Variants in THSD4 observed in about 807,000 individuals in gnomAD.
The protein encoded by THSD4 is thrombospondin type-1 domain-containing protein 4.
Under a neutral mutation model 119.0 loss-of-function variants are expected in THSD4, and 69 were observed. The observed-to-expected ratio is 0.58, with a 90% CI of 0.48 to 0.71. The LOEUF (loss-of-function observed/expected upper bound fraction) is 0.71, where lower values mean the gene tolerates loss of function less well. THSD4 is among the 30% of genes least tolerant of loss of function. The pLI, the probability that THSD4 is intolerant of heterozygous loss-of-function variation, is 0.00. For missense variants in THSD4, 1,393 were observed against 1,391.1 expected (o/e 1.00, Z -0.02); for synonymous variants, 524 against 540.4 (o/e 0.97, Z 0.42).
chr15:71,159,163 C>T (rs1163202912), intron 3 of THSD4, among the ~76,000 whole-genome samples: 1 of 152,084 alleles, frequency 6.6e-6, no homozygotes, highest in African/African-American at 2.4e-5. Context: ...CTATTCTGTT[C>T]CATTGGCCTA....
intron 5 of THSD4, among the ~76,000 whole-genome samples, chr15:71,249,461 A>G (rs976957970): frequency 1.3e-5 from 2 of 150,574 alleles, no homozygotes; most frequent in Non-Finnish European, 3.0e-5. Context: ...AATTGTTAAC[A>G]GTTGTCATTT....
At chr15:71,672,686 T>G (rs1244894025) in intron 8 of THSD4, among the ~76,000 whole-genome samples, 1 of 152,346 alleles carries the variant, frequency 6.6e-6, no homozygotes, top group South Asian at 2.1e-4. Context: ...TATTGAGAGT[T>G]TTTAGCATGA....
intron 7 of THSD4, among the ~76,000 whole-genome samples, chr15:71,570,203 A>C (rs2049322188): frequency 6.6e-6 from 1 of 152,204 alleles, no homozygotes; most frequent in African/African-American, 2.4e-5. Context: ...TAAGAACACC[A>C]TGCATCAGGT....
upstream of THSD4, chr15:71,111,551 T>A: frequency 1.4e-6 from 1 of 693,520 alleles, no homozygotes; most frequent in Non-Finnish European, 2.4e-6. Context: ...TTGTTTTGTT[T>A]ACCATGCCTC....
At chr15:71,237,968 G>T (rs544018830) in intron 4 of THSD4, among the ~76,000 whole-genome samples, 1 of 152,116 alleles carries the variant, frequency 6.6e-6, no homozygotes, top group Non-Finnish European at 1.5e-5. Context: ...TTTCCCAGAC[G>T]CCCGTTGGAT....
chr15:71,141,683 C>A (rs1288385167), intron 2 of THSD4, 127 bp downstream of exon 2: 1 of 1,098,780 alleles, frequency 9.1e-7, no homozygotes, highest in Admixed American at 2.6e-5. Flanking sequence ...TGATATAATA[C>A]GTCCACTTGT....
intron 7 of THSD4, among the ~76,000 whole-genome samples, chr15:71,535,931 G>T (rs1298736521): frequency 6.6e-6 from 1 of 152,094 alleles, no homozygotes; most frequent in Non-Finnish European, 1.5e-5. Context: ...CTTGAATTTT[G>T]ATAAAGTCCC....
chr15:71,330,423 C>T (rs1483079754), intron 6 of THSD4, among the ~76,000 whole-genome samples: 1 of 152,166 alleles, frequency 6.6e-6, no homozygotes, highest in Non-Finnish European at 1.5e-5. Flanking sequence ...TGTGTATCAT[C>T]GTCAGTAGAG....
At position 71,115,541 on chromosome 15, in the gene THSD4, G is replaced by C. The variant is rs2040350987; in HGVS notation, c.-237G>C. The C allele has an allele frequency of 6.6e-6, 1 of 150,806 alleles. No individual in the cohort carries two copies. The highest frequency in any genetic ancestry group is 1.5e-5 in the Non-Finnish European group (1 of 67,648). 9.3% of individuals were successfully genotyped at this position (150,806 alleles called of 1,614,324 possible). A position where few individuals can be genotyped will look rare whatever the true frequency, so the allele number is the denominator to read the frequency against. On this transcript the variant is annotated 5_prime_UTR_variant, in exon 1 of 18. Transcript: ENST00000261862. This position sits in a 1 kb window ranked among gnomAD's most constrained non-coding sequence, Gnocchi z 4.4. ...CGCCCGCGCAGCCCGACGCGGAATC[G>C]GGGCACAGCGGGAGCCCGTGCAGGG...
chr15:71,317,934 G>A (rs1272167149), intron 6 of THSD4, among the ~76,000 whole-genome samples: 2 of 152,122 alleles, frequency 1.3e-5, no homozygotes, highest in African/African-American at 2.4e-5. Flanking sequence ...GTATTTGGTC[G>A]GGGCTGAGTA....
At chr15:71,256,851 C>A in intron 6 of THSD4, 136 bp downstream of exon 6, 1 of 717,982 alleles carries the variant, frequency 1.4e-6, no homozygotes, top group Non-Finnish European at 2.3e-6. Context: ...GACTCCAGGG[C>A]AAAGAGAAGC....
At chr15:71,322,810 G>A (rs960051841) in intron 6 of THSD4, among the ~76,000 whole-genome samples, 6 of 152,162 alleles carry the variant, frequency 3.9e-5, no homozygotes, top group African/African-American at 1.4e-4. Context: ...ACAGAGGCCA[G>A]GTGGTGGCCA....
chr15:71,168,084 C>T (rs1305263351), intron 3 of THSD4, among the ~76,000 whole-genome samples: 2 of 152,212 alleles, frequency 1.3e-5, no homozygotes, highest in East Asian at 1.9e-4. Flanking sequence ...AACTATTCAA[C>T]TTCCATTCTT....
chr15:71,147,372 C>CA (rs2141376423), intron 2 of THSD4, among the ~76,000 whole-genome samples: 2 of 152,100 alleles, frequency 1.3e-5, no homozygotes, highest in South Asian at 4.2e-4. Context: ...GCCCAGCTCA[C>CA]TTTAAAAAAA....
intron 6 of THSD4, among the ~76,000 whole-genome samples, chr15:71,331,435 C>CA (rs2045419841): frequency 6.6e-6 from 1 of 152,184 alleles, no homozygotes. Context: ...CAGCTGGCTC[C>CA]AGCCCAGAAC....
intron 7 of THSD4, among the ~76,000 whole-genome samples, chr15:71,474,787 G>A (rs773445887): frequency 2.6e-5 from 4 of 152,196 alleles, no homozygotes; most frequent in Non-Finnish European, 4.4e-5. Context: ...CTCCTTGCAA[G>A]GACATCTTAG....
chr15:71,308,913 T>C (rs2045071961), intron 6 of THSD4, among the ~76,000 whole-genome samples: 1 of 152,220 alleles, frequency 6.6e-6, no homozygotes, highest in Non-Finnish European at 1.5e-5. Flanking sequence ...TTATTGTCCA[T>C]CTTTTTAACT....
intron 7 of THSD4, among the ~76,000 whole-genome samples, chr15:71,510,329 C>A (rs1225099703): frequency 6.6e-6 from 1 of 152,172 alleles, no homozygotes; most frequent in Admixed American, 6.5e-5. Flanking sequence ...ACTGAAAGGA[C>A]AAATCTATAC....
chr15:71,574,380 A>G (rs1250996747), intron 7 of THSD4, among the ~76,000 whole-genome samples: 2 of 152,128 alleles, frequency 1.3e-5, no homozygotes, highest in Non-Finnish European at 2.9e-5. Flanking sequence ...TTTTTCATAT[A>G]ATTAAAAGGT....
Sources: gnomAD v4.1 joint callset for allele counts (sites outside exome capture counted in the v4.1 genomes callset) on GRCh38, gnomAD v4.1.1 for gene constraint, Gnocchi (gnomAD v3.1) non-coding constraint, MANE v1.5 for transcripts, NCBI Gene and HGNC (gene_info 2026-07-23, HGNC 2026-07-21) for gene names.